Variants in DGCR8 observed in about 807,000 individuals in gnomAD.
DGCR8 encodes DGCR8 microprocessor complex subunit.
DGCR8 carries 14 observed loss-of-function variants against 78.5 expected under a neutral mutation model. The observed-to-expected ratio is 0.18, with a 90% CI of 0.12 to 0.28. DGCR8 has a LOEUF of 0.28. Among genes scored for constraint, DGCR8 ranks in the 10% least tolerant of loss-of-function variants. The pLI is 1.00. For synonymous variants in DGCR8, 399 were observed against 402.4 expected (o/e 0.99, Z 0.10); for missense variants, 702 against 1,022.5 (o/e 0.69, Z 4.28).
rs528798657 is a variant in DGCR8, at chr22:20,089,587, A to G, written c.881-82A>G. On this transcript the variant is annotated intron_variant, in intron 3 of 13. Coordinates refer to ENST00000351989, the MANE Select transcript of DGCR8 (RefSeq NM_022720.7). The surrounding 1 kb of genome is among the most constrained non-coding windows in gnomAD (Gnocchi z 4.9). The stretch of plus-strand genomic sequence containing the variant: ...AGTTAAACACATGCTAGTACCCAAC[A>G]ATTTCTTGTGCAGGAGGTGCTGTGG... The G allele has an allele frequency of 6.8e-5, 103 of 1,513,056 alleles. 2 individuals are homozygous for G. The Middle Eastern group carries it at 1.4e-3, about 20-fold the overall frequency. 93.7% of individuals were successfully genotyped at this position (1,513,056 alleles called of 1,614,324 possible).
Position 20,085,409 on chromosome 22 carries a change from A to G in DGCR8, c.-277-278A>G, listed in dbSNP as rs1258757274. Among the ~76,000 whole-genome samples the G allele has an allele frequency of 1.3e-5, 2 of 152,174 alleles. No homozygotes were observed. The highest frequency in any genetic ancestry group is 4.8e-5 in the African/African-American group (2 of 41,438). The stretch of plus-strand genomic sequence containing the variant: ...TGGTGGAGTTTAGTGTAAATTTTTA[A>G]AATATTTTTTGAGCCTTATGATTAT... On this transcript the variant is annotated intron_variant, in intron 1 of 13. Coordinates refer to ENST00000351989, the MANE Select transcript of DGCR8 (RefSeq NM_022720.7). This position sits in a 1 kb window ranked among gnomAD's most constrained non-coding sequence, Gnocchi z 6.2.
chr22:20,080,523 G>T, intron 1 of DGCR8, 140 bp downstream of exon 1: 1 of 979,464 alleles, frequency 1.0e-6, no homozygotes, highest in Non-Finnish European at 1.2e-6. Context: ...CCTTTGTGAG[G>T]CAACATGGCC....
At position 20,106,856 on chromosome 22, in the gene DGCR8, A is replaced by G. The variant is rs529326253; in HGVS notation, c.1996+158A>G. 2.9e-4 allele frequency: 182 copies of G among 625,900 alleles called. No homozygotes were observed. In the African/African-American group the frequency reaches 3.1e-3, roughly 11 times the overall value. The allele number at this position is 625,900 out of a possible 1,614,324, so 38.8% of individuals were successfully genotyped here. A position where few individuals can be genotyped will look rare whatever the true frequency, so the allele number is the denominator to read the frequency against. On this transcript the variant is annotated intron_variant, in intron 11 of 13. Coordinates refer to ENST00000351989, the MANE Select transcript of DGCR8 (RefSeq NM_022720.7). ...CACGTTCAGCCTAAGGCGGACTGGC[A>G]GCCGTCCTGCCTGCACTTTCCCTGT...
intron 9 of DGCR8, among the ~76,000 whole-genome samples, chr22:20,096,932 T>A (rs547428331): frequency 6.6e-6 from 1 of 151,320 alleles, no homozygotes; most frequent in East Asian, 1.9e-4. Context: ...GATGATCATG[T>A]TTTTTTTTGT....
At chr22:20,082,051 C>CTTTTTTTTTTTT (rs113585822) in intron 1 of DGCR8, among the ~76,000 whole-genome samples, 2 of 140,560 alleles carry the variant, frequency 1.4e-5, no homozygotes, top group African/African-American at 2.6e-5. Flanking sequence ...TTCTTTCTTT[C>CTTTTTTTTTTTT]TTTTTTTTTT....
At chr22:20,106,922 C>T in intron 11 of DGCR8, 1 of 585,000 alleles carries the variant, frequency 1.7e-6, no homozygotes, top group East Asian at 2.8e-5. Context: ...CTCCGTCCAG[C>T]CCTTGTCCCT....
Position 20,092,892 on chromosome 22 carries a change from G to T in DGCR8, c.1690G>T (p.Ala564Ser). The change falls in exon 8 of 14, where the codon GCG becomes TCG. Residue 564 changes from alanine (A) to serine (S), a missense_variant. Transcript: ENST00000351989. ...GSGTASSKKL[A>S]KNKAARATLE... ...TGGAACTGCAAGCAGCAAAAAACTT[G>T]CGAAGAATAAAGCTGGTAACGTGCT... 1 of 1,613,590 alleles carries T rather than the reference G, an allele frequency of 6.2e-7. No individual in the cohort carries two copies. Among genetic ancestry groups the T allele is most frequent in the Non-Finnish European group, 8.5e-7 (1 of 1,179,652 alleles).
chr22:20,098,438 A>G (rs969534948), intron 9 of DGCR8, among the ~76,000 whole-genome samples: 3 of 152,144 alleles, frequency 2.0e-5, no homozygotes, highest in East Asian at 1.9e-4. Context: ...CTACTTTCCT[A>G]TTTCTTTGCA....
At chr22:20,108,091 C>T (rs543726150) in intron 12 of DGCR8, 2 of 152,886 alleles carry the variant, frequency 1.3e-5, no homozygotes, top group Non-Finnish European at 2.9e-5. Flanking sequence ...AAGAGCAGGG[C>T]CTGCCTTTAG....
Position 20,086,753 on chromosome 22 carries a change from CT to C in DGCR8, c.720+74del. 1 of 1,336,808 alleles carries C rather than the reference CT, an allele frequency of 7.5e-7. No homozygotes were observed. Among genetic ancestry groups the C allele is most frequent in the Non-Finnish European group, 1.0e-6 (1 of 992,110 alleles). 82.8% of individuals were successfully genotyped at this position (1,336,808 alleles called of 1,614,324 possible). On this transcript the variant is annotated intron_variant, in intron 2 of 13. Coordinates refer to ENST00000351989, the MANE Select transcript of DGCR8 (RefSeq NM_022720.7). This position sits in a 1 kb window ranked among gnomAD's most constrained non-coding sequence, Gnocchi z 6.4. ...AAGAGAGATTTGGGAATTGCAGCATCTTTTGAAAGCAGGGAAATTAAAAAAA... is the reference window on the plus strand; with the variant it reads ...AAGAGAGATTTGGGAATTGCAGCATCTTTGAAAGCAGGGAAATTAAAAAAA...
chr22:20,096,589 C>A, intron 9 of DGCR8: 1 of 568,470 alleles, frequency 1.8e-6, no homozygotes, highest in Non-Finnish European at 2.2e-6. Flanking sequence ...TTTATATATT[C>A]AGAGTTGTAT....
chr22:20,093,324 G>A (rs534243298), intron 8 of DGCR8, among the ~76,000 whole-genome samples: 3 of 152,094 alleles, frequency 2.0e-5, no homozygotes, highest in Non-Finnish European at 4.4e-5. Flanking sequence ...AGAATGGCGT[G>A]AACAAGCGAG....
chr22:20,085,725 C>T lies in DGCR8; in HGVS notation c.-239C>T, dbSNP rs41309441. 4,027 of 1,346,278 alleles carry T rather than the reference C, an allele frequency of 3.0e-3. 8 individuals carry two copies. The highest frequency in any genetic ancestry group is 3.5e-3 in the Non-Finnish European group (3,731 of 1,054,108). The allele number at this position is 1,346,278 out of a possible 1,614,324, so 83.4% of individuals were successfully genotyped here. ...GGTGCCACTCCGGCATGAAGACAGA[C>T]TCGCTTAGTCGCCAGTCACTTAAGC... On this transcript the variant is annotated 5_prime_UTR_variant, in exon 2 of 14. Transcript: ENST00000351989. This position sits in a 1 kb window ranked among gnomAD's most constrained non-coding sequence, Gnocchi z 6.2.
chr22:20,106,468 T>C, intron 10 of DGCR8, 124 bp from the exon 11 acceptor site: 2 of 843,930 alleles, frequency 2.4e-6, no homozygotes, highest in Non-Finnish European at 3.9e-6. Context: ...TTCCCTCCTC[T>C]GGCTGAGATG....
At position 20,110,045 on chromosome 22, in the gene DGCR8, C is replaced by T. The variant is rs1158710900; in HGVS notation, c.2259C>T (p.Pro753=). ...AEEREETRKK[P]KMSIVASAQP... is the part of the protein sequence containing the mutation. ...TTCAGGAGGAGACTCGAAAGAAGCC[C>T]AAGATGTCCATTGTGGCGTCCGCCC... The change falls in exon 14 of 14, where the codon CCC becomes CCT. Residue 753 remains proline, a synonymous_variant. Transcript: ENST00000351989. The T allele has an allele frequency of 2.4e-5, 39 of 1,613,630 alleles. No individual in the cohort carries two copies. The highest frequency in any genetic ancestry group is 3.1e-5 in the Non-Finnish European group (37 of 1,180,028).
rs778778919 is a variant in DGCR8, at chr22:20,090,087, G to A, written c.1135G>A (p.Val379Ile). Residue 379 changes from valine (V) to isoleucine (I), a missense_variant, in exon 5 of 14, where the codon GTC becomes ATC. Coordinates refer to ENST00000351989, the MANE Select transcript of DGCR8 (RefSeq NM_022720.7). ...CACCCCTAGTGGGGATGTGTCCCCC[G>A]TCAAGCCCCTGAGCCGATCTGCAGA... ...DLTPSGDVSP[V>I]KPLSRSAELE... The A allele has an allele frequency of 1.3e-5, 21 of 1,614,214 alleles. No individual in the cohort carries two copies. The highest frequency in any genetic ancestry group is 5.0e-5 in the Admixed American group (3 of 60,028).
At position 20,085,246 on chromosome 22, in the gene DGCR8, G is replaced by A. The variant is rs924558807; in HGVS notation, c.-277-441G>A. Among the ~76,000 whole-genome samples, 4 of 152,116 alleles carry A rather than the reference G, an allele frequency of 2.6e-5. No homozygotes were observed. The highest frequency in any genetic ancestry group is 9.7e-5 in the African/African-American group (4 of 41,414). ...GAGTTGAGCTGAGGGTCTCGCGCTC[G>A]CCCTCTGACTGACCCAGCCCTTGCA... is the stretch of plus-strand genomic sequence containing the variant. On this transcript the variant is annotated intron_variant, in intron 1 of 13. Transcript: ENST00000351989. This position sits in a 1 kb window ranked among gnomAD's most constrained non-coding sequence, Gnocchi z 6.2.
Position 20,085,912 on chromosome 22 carries a change from G to T in DGCR8, c.-52G>T, listed in dbSNP as rs970962673. Reference sequence around the variant, plus strand: ...GTGCATGTTAGCTGTGTAGATTTATGTGAGGGCTTGTAAAACTCTGGTCTT... The same window carrying T: ...GTGCATGTTAGCTGTGTAGATTTATTTGAGGGCTTGTAAAACTCTGGTCTT... On this transcript the variant is annotated 5_prime_UTR_variant, in exon 2 of 14. It removes an upstream start codon present in the reference 5' UTR. Coordinates refer to ENST00000351989, the MANE Select transcript of DGCR8 (RefSeq NM_022720.7). This position sits in a 1 kb window ranked among gnomAD's most constrained non-coding sequence, Gnocchi z 6.2. 18 of 1,513,580 alleles carry T rather than the reference G, an allele frequency of 1.2e-5. No individual in the cohort carries two copies. The highest frequency in any genetic ancestry group is 1.6e-5 in the Non-Finnish European group (18 of 1,138,300). The allele number at this position is 1,513,580 out of a possible 1,614,324, so 93.8% of individuals were successfully genotyped here. A position where few individuals can be genotyped will look rare whatever the true frequency, so the allele number is the denominator to read the frequency against.
chr22:20,092,725 C>A, intron 7 of DGCR8, 84 bp from the exon 8 acceptor site: 1 of 1,222,526 alleles, frequency 8.2e-7, no homozygotes, highest in Non-Finnish European at 1.2e-6. Context: ...CTGACTGCGC[C>A]TTGTCTGTCG....
Sources: gnomAD v4.1 joint callset for allele counts (sites outside exome capture counted in the v4.1 genomes callset) on GRCh38, gnomAD v4.1.1 for gene constraint, Gnocchi (gnomAD v3.1) non-coding constraint, MANE v1.5 for transcripts, NCBI Gene and HGNC (gene_info 2026-07-23, HGNC 2026-07-21) for gene names.